The following SLC3A1 variants were observed in gnomAD, a reference collection of about 807,000 sequenced individuals.
The protein encoded by SLC3A1 is solute carrier family 3 member 1.
In SLC3A1, 78 loss-of-function variants were observed where a neutral mutation model predicts 60.3. The ratio of observed to expected loss-of-function variants is 1.29; its 90% CI spans 1.08 to 1.56. SLC3A1 has a LOEUF of 1.56. Among genes scored for constraint, SLC3A1 ranks in the 40% most tolerant of loss-of-function variants. The pLI is 0.00. For missense variants in SLC3A1, 1,172 were observed against 858.9 expected (o/e 1.36, Z -4.56); for synonymous variants, 392 against 307.9 (o/e 1.27, Z -2.86).
At chr2:44,306,555 T>TC (rs2104374209) in intron 7 of SLC3A1, among the ~76,000 whole-genome samples, 1 of 137,682 alleles carries the variant, frequency 7.3e-6, no homozygotes, top group East Asian at 2.0e-4. Context: ...TAAAACTTTT[T>TC]TTTTTTTTTT....
Position 44,321,021 on chromosome 2 carries a change from G to C in SLC3A1, c.*382G>C. ...GTCTAAAAGCATTTGCTAGCAAAGA[G>C]GCAGGACACTAATTTGTAAACTGCT... On this transcript the variant is annotated 3_prime_UTR_variant, in exon 10 of 10. Transcript: ENST00000260649. The C allele has an allele frequency of 2.6e-6, 1 of 385,346 alleles. No individual in the cohort carries two copies. Among genetic ancestry groups the C allele is most frequent in the South Asian group, 2.9e-5 (1 of 34,916 alleles). 23.9% of individuals were successfully genotyped at this position (385,346 alleles called of 1,614,324 possible).
intron 4 of SLC3A1, among the ~76,000 whole-genome samples, chr2:44,299,115 C>G (rs1671934011): frequency 6.7e-6 from 1 of 150,330 alleles, no homozygotes; most frequent in African/African-American, 2.5e-5. Flanking sequence ...CTCGGCTCAC[C>G]ACAACTTCCA....
intron 1 of SLC3A1, among the ~76,000 whole-genome samples, chr2:44,276,243 A>G (rs992485235): frequency 2.0e-5 from 3 of 152,210 alleles, no homozygotes; most frequent in Non-Finnish European, 4.4e-5. Context: ...TCAGTCATCA[A>G]TTCTAACTTC....
chr2:44,303,480 A>G (rs1164802232), intron 6 of SLC3A1, among the ~76,000 whole-genome samples: 2 of 151,548 alleles, frequency 1.3e-5, no homozygotes, highest in African/African-American at 4.8e-5. Context: ...CAAGTTATCC[A>G]CCTGCCTCGG....
At chr2:44,283,180 T>C (rs1558454423) in intron 3 of SLC3A1, among the ~76,000 whole-genome samples, 3 of 152,150 alleles carry the variant, frequency 2.0e-5, no homozygotes, top group Non-Finnish European at 4.4e-5. Flanking sequence ...CATCAACTTT[T>C]AGGTGATCCA....
At chr2:44,281,265 C>A (rs1416627020) in intron 2 of SLC3A1, 122 bp from the exon 3 acceptor site, 1 of 830,650 alleles carries the variant, frequency 1.2e-6, no homozygotes, top group African/African-American at 1.7e-5. Context: ...CTCAAGCAAT[C>A]CTCCTACCTT....
intron 1 of SLC3A1, among the ~76,000 whole-genome samples, chr2:44,279,124 G>A (rs1368973367): frequency 6.6e-6 from 1 of 151,414 alleles, no homozygotes; most frequent in Non-Finnish European, 1.5e-5. Context: ...TCAGCCTCCC[G>A]AGTAGCTGGG....
chr2:44,292,595 G>C (rs1671763805), intron 4 of SLC3A1, among the ~76,000 whole-genome samples: 1 of 152,116 alleles, frequency 6.6e-6, no homozygotes, highest in South Asian at 2.1e-4. Context: ...GTAGGAGGTA[G>C]GAATACACAG....
Position 44,286,097 on chromosome 2 carries a change from G to C in SLC3A1, c.831G>C (p.Gln277His). ...DEVRNQCYFHQFMKEQPDLNF... is the reference protein window; with the variant it reads ...DEVRNQCYFHHFMKEQPDLNF... Reference sequence around the variant, plus strand: ...TGCGAAACCAATGTTATTTTCATCAGTTTATGAAAGAGCAACCTGATTTAA... The same window carrying C: ...TGCGAAACCAATGTTATTTTCATCACTTTATGAAAGAGCAACCTGATTTAA... The change falls in exon 4 of 10, where the codon CAG becomes CAC. Residue 277 changes from glutamine to histidine, a missense_variant. Physicochemically the swap from Gln to His is conservative, Grantham distance 24 (BLOSUM62 0). Coordinates refer to ENST00000260649, the MANE Select transcript of SLC3A1 (RefSeq NM_000341.4). 6.2e-7 allele frequency: 1 copy of C among 1,613,874 alleles called. No individual in the cohort carries two copies. Among genetic ancestry groups the C allele is most frequent in the Non-Finnish European group, 8.5e-7 (1 of 1,179,788 alleles).
intron 1 of SLC3A1, among the ~76,000 whole-genome samples, chr2:44,278,881 A>C (rs1400786014): frequency 6.6e-6 from 1 of 152,162 alleles, no homozygotes; most frequent in Non-Finnish European, 1.5e-5. Flanking sequence ...AAGACTCCTC[A>C]AATATTGGCA....
Position 44,301,107 on chromosome 2 carries a change from C to T in SLC3A1, c.1116C>T (p.Ser372=). 6 of 1,612,464 alleles carry T rather than the reference C, an allele frequency of 3.7e-6. No homozygotes were observed. The highest frequency in any genetic ancestry group is 5.1e-6 in the Non-Finnish European group (6 of 1,179,780). The change falls in exon 6 of 10, where the codon AGC becomes AGT. Residue 372 remains serine (S), a synonymous_variant. Coordinates refer to ENST00000260649, the MANE Select transcript of SLC3A1 (RefSeq NM_000341.4). ...RSFRQTMDQY[S]TEPGRYRFMG... The stretch of plus-strand genomic sequence containing the variant: ...TCCGGCAGACCATGGACCAATACAG[C>T]ACGGAGCCCGGCAGATACAGGTTGA...
At position 44,321,197 on chromosome 2, in the gene SLC3A1, G is replaced by A; in HGVS notation, c.*558G>A. On this transcript the variant is annotated 3_prime_UTR_variant, in exon 10 of 10. Transcript: ENST00000260649. ...TCAATGGAGAGAATAGTATAAGCAA[G>A]TGAGATGTAGACTAAGCAAAATTTA... 1.6e-6 allele frequency: 1 copy of A among 644,738 alleles called. No homozygotes were observed. Among genetic ancestry groups the A allele is most frequent in the Non-Finnish European group, 2.7e-6 (1 of 369,962 alleles). The allele number at this position is 644,738 out of a possible 1,614,324, so 39.9% of individuals were successfully genotyped here.
In SLC3A1 at chr2:44,320,554, G is replaced by A. The variant is rs370262167; in HGVS notation, c.1973G>A (p.Arg658His). The A allele has an allele frequency of 1.2e-4, 191 of 1,614,024 alleles. 1 individual carries two copies. Among genetic ancestry groups the A allele is most frequent in the Middle Eastern group, 3.3e-4 (2 of 6,060 alleles). ...CACAACACGAAGAATCTCCTTCATC[G>A]CCAAACAGCTTTCAGAGATAGATGC... ...FEHNTKNLLH[R>H]QTAFRDRCFV... Residue 658 changes from arginine to histidine, a missense_variant, in exon 10 of 10, where the codon CGC becomes CAC. Physicochemically the swap from Arg to His is conservative, Grantham distance 29. Transcript: ENST00000260649.
chr2:44,310,590 A>G (rs2104380973), intron 7 of SLC3A1, among the ~76,000 whole-genome samples: 1 of 152,210 alleles, frequency 6.6e-6, no homozygotes, highest in Non-Finnish European at 1.5e-5. Flanking sequence ...TTTGACTGAT[A>G]TGTCTAAGTG....
In SLC3A1 at chr2:44,300,086, T is replaced by C; in HGVS notation, c.1007T>C (p.Ile336Thr). The part of the protein sequence containing the change: ...RDEIQVNKTQ[I>T]PDTVTQYSEL... ...GAGATCCAAGTAAATAAGACCCAAA[T>C]CCCGGTAAAGTTTTATTTTAAACGT... The change falls in exon 5 of 10, where the codon ATC becomes ACC. Residue 336 changes from isoleucine to threonine, a missense_variant. Transcript: ENST00000260649. 1 of 1,613,962 alleles carries C rather than the reference T, an allele frequency of 6.2e-7. No individual in the cohort carries two copies. The highest frequency in any genetic ancestry group is 8.5e-7 in the Non-Finnish European group (1 of 1,179,892).
intron 7 of SLC3A1, among the ~76,000 whole-genome samples, chr2:44,305,937 TCTTTC>T (rs1672143939): frequency 6.6e-6 from 1 of 152,134 alleles, no homozygotes; most frequent in Non-Finnish European, 1.5e-5. Flanking sequence ...CCGTTCATTC[TCTTTC>T]CTTAAAGTCC....
chr2:44,305,633 T>G (rs1263337865), intron 7 of SLC3A1, among the ~76,000 whole-genome samples: 1 of 151,888 alleles, frequency 6.6e-6, no homozygotes, highest in Admixed American at 6.6e-5. Context: ...TTACCATGTT[T>G]GTCAGGCTGT....
chr2:44,311,106 T>C (rs544400289), intron 7 of SLC3A1, among the ~76,000 whole-genome samples: 1 of 152,254 alleles, frequency 6.6e-6, no homozygotes, highest in Non-Finnish European at 1.5e-5. Flanking sequence ...CATTCTTCTT[T>C]TTCTTTCTGG....
chr2:44,302,480 C>T (rs535278452), intron 6 of SLC3A1, among the ~76,000 whole-genome samples: 1 of 152,196 alleles, frequency 6.6e-6, no homozygotes, highest in Non-Finnish European at 1.5e-5. Context: ...ATTTTATAGA[C>T]AAGGAAACTG....
Sources: allele counts gnomAD v4.1 joint callset (sites outside exome capture counted in the v4.1 genomes callset), GRCh38; gene constraint gnomAD v4.1.1; transcripts MANE v1.5; gene names NCBI Gene and HGNC (gene_info 2026-07-23, HGNC 2026-07-21).